Variants in H3C4 observed in about 807,000 individuals in gnomAD.
The protein encoded by H3C4 is histone H3.1.
Under a neutral mutation model 8.7 loss-of-function variants are expected in H3C4, and 10 were observed. That is an observed-to-expected ratio of 1.15 (90% confidence interval 0.71 to 1.96). The LOEUF is 1.96. H3C4 is among the 30% of genes most tolerant of loss of function. The probability of loss-of-function intolerance (pLI) is 0.00; values close to 1 mark genes in which losing one functional copy is unlikely to be tolerated. For missense variants in H3C4, 216 were observed against 192.9 expected (o/e 1.12, Z -0.71); for synonymous variants, 141 against 80.1 (o/e 1.76, Z -4.06).
upstream of H3C4, chr6:26,198,859 C>T (rs753426007): frequency 3.1e-6 from 5 of 1,613,286 alleles, no homozygotes; most frequent in Admixed American, 1.7e-5. Context: ...TTTTACTTGC[C>T]CTTGGCCTTG....
At chr6:26,199,254 T>TA (rs1411102427), upstream of H3C4, 4 of 1,591,494 alleles carry the variant, frequency 2.5e-6, no homozygotes, top group African/African-American at 2.7e-5. Flanking sequence ...TTTGAATTCT[T>TA]AAAAACGATG....
At chr6:26,198,962 T>G, upstream of H3C4, 1 of 1,614,238 alleles carries the variant, frequency 6.2e-7, no homozygotes, top group Non-Finnish European at 8.5e-7. Context: ...GCAACTTGTT[T>G]AGCTCCTCGT....
upstream of H3C4, among the ~76,000 whole-genome samples, chr6:26,198,587 C>G (rs996202764): frequency 6.6e-6 from 1 of 152,230 alleles, no homozygotes; most frequent in East Asian, 1.9e-4. Flanking sequence ...CCACCTTGGC[C>G]TTCCAAAGTC....
chr6:26,198,937 T>C (rs1190714405), upstream of H3C4: 5 of 1,614,190 alleles, frequency 3.1e-6, no homozygotes, highest in Non-Finnish European at 3.4e-6. Flanking sequence ...CCCTGAGCAA[T>C]TGTGACTTTA....
upstream of H3C4, among the ~76,000 whole-genome samples, chr6:26,198,478 C>T (rs1478121748): frequency 6.6e-6 from 1 of 152,114 alleles, no homozygotes; most frequent in Non-Finnish European, 1.5e-5. Flanking sequence ...ATTACAGGCG[C>T]GCGCCACCAC....
upstream of H3C4, chr6:26,198,780 T>C (rs1164483118): frequency 2.0e-6 from 3 of 1,474,284 alleles, no homozygotes; most frequent in South Asian, 2.4e-5. Context: ...TTTTAAGGAA[T>C]ACATGGGTGG....
upstream of H3C4, among the ~76,000 whole-genome samples, chr6:26,198,341 T>C (rs1765030342): frequency 6.6e-6 from 1 of 151,980 alleles, no homozygotes; most frequent in Non-Finnish European, 1.5e-5. Context: ...TTTTGGGTTT[T>C]TGTTTGTTTT....
At chr6:26,197,963 C>T (rs1348898583), upstream of H3C4, among the ~76,000 whole-genome samples, 1 of 150,516 alleles carries the variant, frequency 6.6e-6, no homozygotes, top group Non-Finnish European at 1.5e-5. Context: ...GAACACTGTG[C>T]TAAGAAGCTC....
upstream of H3C4, chr6:26,199,260 C>T (rs1319414294): frequency 2.8e-5 from 45 of 1,587,424 alleles, no homozygotes; most frequent in Non-Finnish European, 3.6e-5. Flanking sequence ...TTCTTAAAAA[C>T]GATGTTAAGC....
upstream of H3C4, chr6:26,199,008 A>T (rs1276940826): frequency 1.9e-6 from 3 of 1,613,766 alleles, no homozygotes; most frequent in African/African-American, 2.7e-5. Context: ...TCGGGGGATG[A>T]TGCGGGTCTT....
At chr6:26,199,172 G>C (rs150465023), upstream of H3C4, 98 of 1,614,028 alleles carry the variant, frequency 6.1e-5, no homozygotes, top group Non-Finnish European at 7.6e-5. Flanking sequence ...CAGGGAACTG[G>C]AGTCCGGCCC....
chr6:26,198,107 C>T (rs1212868150), upstream of H3C4, among the ~76,000 whole-genome samples: 1 of 152,102 alleles, frequency 6.6e-6, no homozygotes, highest in African/African-American at 2.4e-5. Context: ...CAGGTTATTT[C>T]GTATCATTAA....
In H3C4 at chr6:26,197,002, C is replaced by G. The variant is rs949383946; in HGVS notation, c.249G>C (p.Leu83=). Residue 83 remains leucine (L), a synonymous_variant, in exon 1 of 1, where the codon CTG becomes CTC. Transcript: ENST00000356476. ...REIAQDFKTD[L]RFQSSAVMAL... is the part of the protein sequence containing the mutation. ...CCATCACCGCCGAGCTCTGAAAACG[C>G]AGATCAGTCTTGAAGTCCTGCGCGA... 6.2e-6 allele frequency: 10 copies of G among 1,614,128 alleles called. No individual in the cohort carries two copies. In the African/African-American group the frequency reaches 1.2e-4, roughly 19 times the overall value.
chr6:26,199,034 G>C (rs149724428), upstream of H3C4: 43 of 1,614,046 alleles, frequency 2.7e-5, no homozygotes, highest in Admixed American at 1.7e-5. Flanking sequence ...TGTCGCGGGC[G>C]GCGTTGCCCG....
upstream of H3C4, chr6:26,199,075 C>T (rs752018813): frequency 1.9e-6 from 3 of 1,614,172 alleles, no homozygotes; most frequent in South Asian, 1.1e-5. Context: ...GTCAGGTACT[C>T]CAACACCGCC....
chr6:26,196,981 CACCGCCGAGCTCTGAA>C lies in H3C4; in HGVS notation c.254_269del (p.Phe85Ter). 6.2e-7 allele frequency: 1 copy of C among 1,614,262 alleles called. No homozygotes were observed. The highest frequency in any genetic ancestry group is 8.5e-7 in the Non-Finnish European group (1 of 1,180,052). ...CCTCGCAGGCCTCCTGCAGCGCCAT[CACCGCCGAGCTCTGAA>C]AACGCAGATCAGTCTTGAAGTCCTG... On this transcript the variant is annotated frameshift_variant, in exon 1 of 1. Coordinates refer to ENST00000356476, the MANE Select transcript of H3C4 (RefSeq NM_001376937.1). LOFTEE classifies it high-confidence loss of function.
chr6:26,198,836 A>T, upstream of H3C4: 2 of 1,610,608 alleles, frequency 1.2e-6, no homozygotes, highest in South Asian at 1.1e-5. Flanking sequence ...AAAAGCCAAT[A>T]TAAGAGTTCT....
upstream of H3C4, chr6:26,198,796 A>G: frequency 2.6e-6 from 4 of 1,559,792 alleles, no homozygotes; most frequent in Non-Finnish European, 3.5e-6. Context: ...GGTGGCTCTG[A>G]AAAGAGCCTT....
upstream of H3C4, chr6:26,199,153 C>T (rs1765065104): frequency 3.1e-6 from 5 of 1,614,024 alleles, no homozygotes; most frequent in South Asian, 1.1e-5. Flanking sequence ...AAGCGGTGTA[C>T]GCGGCCCACA....
Sources: allele counts gnomAD v4.1 joint callset (sites outside exome capture counted in the v4.1 genomes callset), GRCh38; gene constraint gnomAD v4.1.1; transcripts MANE v1.5; gene names NCBI Gene and HGNC (gene_info 2026-07-23, HGNC 2026-07-21).